The following BNC2 variants were observed in gnomAD, a reference collection of about 807,000 sequenced individuals.
BNC2 encodes basonuclin zinc finger protein 2, also known as zinc finger protein basonuclin-2.
A neutral mutation model predicts 76.3 loss-of-function variants in BNC2; 20 were observed. The observed-to-expected ratio is 0.26, with a 90% CI of 0.18 to 0.38. The LOEUF is 0.38. BNC2 is among the 10% of genes least tolerant of loss of function. The pLI, the probability that BNC2 is intolerant of heterozygous loss-of-function variation, is 1.00. For missense variants in BNC2, 1,382 were observed against 1,399.8 expected (o/e 0.99, Z 0.20); for synonymous variants, 582 against 514.8 (o/e 1.13, Z -1.77).
At chr9:16,642,964 C>G (rs969924444) in intron 3 of BNC2, among the ~76,000 whole-genome samples, 2 of 151,984 alleles carry the variant, frequency 1.3e-5, no homozygotes, top group African/African-American at 4.8e-5. Flanking sequence ...ATTTGTGAAA[C>G]GAGAATATGA....
At chr9:16,604,765 T>C (rs1354516150) in intron 3 of BNC2, among the ~76,000 whole-genome samples, 2 of 151,978 alleles carry the variant, frequency 1.3e-5, no homozygotes, top group Non-Finnish European at 2.9e-5. Context: ...ATCGCGTCAC[T>C]ACACTCCAGC....
chr9:16,447,088 T>C (rs978326868), intron 5 of BNC2, among the ~76,000 whole-genome samples: 3 of 152,152 alleles, frequency 2.0e-5, no homozygotes, highest in Non-Finnish European at 2.9e-5. Flanking sequence ...GAGAAACTTT[T>C]AAAGACACAT....
intron 1 of BNC2, among the ~76,000 whole-genome samples, chr9:16,828,679 G>A (rs1427752514): frequency 1.3e-5 from 2 of 152,190 alleles, no homozygotes; most frequent in Admixed American, 6.5e-5. Context: ...TGTGAAGAAA[G>A]CAGGGTCACT....
chr9:16,440,939 T>C (rs1365420740), intron 5 of BNC2, among the ~76,000 whole-genome samples: 1 of 152,216 alleles, frequency 6.6e-6, no homozygotes, highest in Non-Finnish European at 1.5e-5. Context: ...CAACAAAGCA[T>C]ATTTGCAAAC....
At chr9:16,480,459 G>A (rs1822023748) in intron 5 of BNC2, among the ~76,000 whole-genome samples, 1 of 152,222 alleles carries the variant, frequency 6.6e-6, no homozygotes, top group Non-Finnish European at 1.5e-5. Flanking sequence ...CCCCTTTCTG[G>A]GCTGGCCAAG....
chr9:16,463,783 A>G (rs1436665331), intron 5 of BNC2, among the ~76,000 whole-genome samples: 1 of 151,170 alleles, frequency 6.6e-6, no homozygotes, highest in East Asian at 2.0e-4. Flanking sequence ...AGGGTCAGGC[A>G]TGGTGGTTCA....
At chr9:16,732,002 A>G (rs1055110259) in intron 2 of BNC2, among the ~76,000 whole-genome samples, 1 of 152,124 alleles carries the variant, frequency 6.6e-6, no homozygotes, top group African/African-American at 2.4e-5. Context: ...ACAAGACTAT[A>G]GGGAGGCACA....
At chr9:16,800,049 A>AC (rs1392532090) in intron 1 of BNC2, among the ~76,000 whole-genome samples, 5 of 151,886 alleles carry the variant, frequency 3.3e-5, no homozygotes, top group Non-Finnish European at 7.4e-5. Context: ...ACATGGGGAA[A>AC]CCCCATCTCT....
chr9:16,452,591 G>A (rs1821365242), intron 5 of BNC2, among the ~76,000 whole-genome samples: 1 of 152,080 alleles, frequency 6.6e-6, no homozygotes, highest in South Asian at 2.1e-4. Context: ...TGTATATTCA[G>A]TAGAGACGGG....
intron 1 of BNC2, among the ~76,000 whole-genome samples, chr9:16,799,886 ATTATC>A (rs1379846871): frequency 1.3e-5 from 2 of 152,142 alleles, no homozygotes; most frequent in Non-Finnish European, 2.9e-5. Context: ...ATTAACCCTA[ATTATC>A]TTATCAGTGA....
At chr9:16,550,434 G>C (rs934111258) in intron 5 of BNC2, among the ~76,000 whole-genome samples, 17 of 152,154 alleles carry the variant, frequency 1.1e-4, no homozygotes. Flanking sequence ...CTGCATTAGA[G>C]ATATGTTCAC....
At chr9:16,511,155 G>T (rs1822745381) in intron 5 of BNC2, among the ~76,000 whole-genome samples, 2 of 147,402 alleles carry the variant, frequency 1.4e-5, no homozygotes, top group Non-Finnish European at 1.5e-5. Context: ...TGTCACCCAG[G>T]CTGGAGTGCA....
intron 1 of BNC2, among the ~76,000 whole-genome samples, chr9:16,844,838 G>A (rs1441187583): frequency 2.6e-5 from 4 of 152,098 alleles, no homozygotes; most frequent in Non-Finnish European, 1.5e-5. Flanking sequence ...TCATTTCTGG[G>A]AAAGGTATTA....
At chr9:16,525,274 C>T (rs993922452) in intron 5 of BNC2, among the ~76,000 whole-genome samples, 1 of 151,816 alleles carries the variant, frequency 6.6e-6, no homozygotes, top group Non-Finnish European at 1.5e-5. Flanking sequence ...AAACCAACTA[C>T]GCAACAAAAA....
intron 3 of BNC2, among the ~76,000 whole-genome samples, chr9:16,693,423 T>C (rs900330755): frequency 7.9e-5 from 12 of 152,114 alleles, no homozygotes; most frequent in Non-Finnish European, 1.5e-4. Context: ...CCAAAGATTA[T>C]TGTGATCATC....
At chr9:16,429,707 A>T (rs979631135) in intron 6 of BNC2, 4 of 306,974 alleles carry the variant, frequency 1.3e-5, no homozygotes, top group South Asian at 1.2e-4. Flanking sequence ...CTTAATGTTA[A>T]CTCTCATCAA....
At chr9:16,604,678 G>A (rs1455101521) in intron 3 of BNC2, among the ~76,000 whole-genome samples, 6 of 151,898 alleles carry the variant, frequency 4.0e-5, no homozygotes, top group South Asian at 2.1e-4. Flanking sequence ...GGTGGTGGGC[G>A]CCCGTAATCC....
At chr9:16,459,204 G>C (rs534564630) in intron 5 of BNC2, among the ~76,000 whole-genome samples, 2 of 152,294 alleles carry the variant, frequency 1.3e-5, no homozygotes, top group South Asian at 2.1e-4. Context: ...GTCCTAGCAT[G>C]CATTCTAACA....
chr9:16,416,458 CAG>C lies in BNC2; in HGVS notation c.*2529_*2530del, dbSNP rs1317599392. 6.6e-6 allele frequency: 1 copy of C among 152,596 alleles called. No homozygotes were observed. Among genetic ancestry groups the C allele is most frequent in the Non-Finnish European group, 1.5e-5 (1 of 68,022 alleles). The allele number at this position is 152,596 out of a possible 1,614,324, so 9.5% of individuals were successfully genotyped here. On this transcript the variant is annotated 3_prime_UTR_variant, in exon 7 of 7. Coordinates refer to ENST00000380672, the MANE Select transcript of BNC2 (RefSeq NM_017637.6). ...TTCAATCTTTCACAAACATACTGTA[CAG>C]AGTCTTATATGGTATAAAACAAAGG... is the stretch of plus-strand genomic sequence containing the variant.
Sources: gnomAD v4.1 joint callset for allele counts (sites outside exome capture counted in the v4.1 genomes callset) on GRCh38, gnomAD v4.1.1 for gene constraint, MANE v1.5 for transcripts, NCBI Gene and HGNC (gene_info 2026-07-23, HGNC 2026-07-21) for gene names.